RNFT2: variants seen among roughly 807,000 people sequenced by gnomAD.
RNFT2 encodes E3 ubiquitin-protein ligase RNFT2.
Under a neutral mutation model 53.0 loss-of-function variants are expected in RNFT2, and 36 were observed. The observed-to-expected ratio is 0.68, with a 90% CI of 0.52 to 0.90. RNFT2 has a LOEUF of 0.90. RNFT2 is among the 40% of genes least tolerant of loss of function. RNFT2 has a pLI of 0.00. For missense variants in RNFT2, 514 were observed against 585.6 expected (o/e 0.88, Z 1.26); for synonymous variants, 260 against 253.2 (o/e 1.03, Z -0.26).
rs57277786 is a variant in RNFT2, at chr12:116,776,343, G to C, written c.729-2852G>C. On this transcript the variant is annotated intron_variant, in intron 6 of 10. Coordinates refer to ENST00000257575, the MANE Select transcript of RNFT2 (RefSeq NM_001382266.1). Reference sequence around the variant, plus strand: ...AAGATAAAATGGAAAGGATAAGTCAGATCTTCATTTGATCATGATCATGGA... The same window carrying C: ...AAGATAAAATGGAAAGGATAAGTCACATCTTCATTTGATCATGATCATGGA... 5.1e-3 allele frequency among the ~76,000 whole-genome samples: 779 copies of C among 152,280 alleles called. 2 individuals carry two copies. The highest frequency in any genetic ancestry group is 0.018 in the African/African-American group (731 of 41,560).
intron 3 of RNFT2, among the ~76,000 whole-genome samples, chr12:116,746,331 G>A (rs1485491040): frequency 1.3e-5 from 2 of 152,126 alleles, no homozygotes; most frequent in African/African-American, 4.8e-5. Context: ...CAGTGGGGTC[G>A]GGGCACCTGT....
chr12:116,804,698 C>T (rs1198336904), intron 7 of RNFT2, among the ~76,000 whole-genome samples: 2 of 152,276 alleles, frequency 1.3e-5, no homozygotes, highest in South Asian at 2.1e-4. Context: ...AGGCTGGGTG[C>T]GGTGGCTCAC....
At chr12:116,763,746 T>C (rs1314891326) in intron 5 of RNFT2, among the ~76,000 whole-genome samples, 9 of 137,196 alleles carry the variant, frequency 6.6e-5, no homozygotes, top group African/African-American at 2.2e-4. Flanking sequence ...GCCACTGCAC[T>C]CCAGCCTGGG....
chr12:116,820,638 C>T (rs1187387532), intron 7 of RNFT2, among the ~76,000 whole-genome samples: 1 of 152,134 alleles, frequency 6.6e-6, no homozygotes, highest in Non-Finnish European at 1.5e-5. Flanking sequence ...CCACATCTTA[C>T]TTTATCTCCT....
chr12:116,766,265 GA>G (rs1441459935), intron 5 of RNFT2, among the ~76,000 whole-genome samples: 4 of 150,886 alleles, frequency 2.7e-5, no homozygotes, highest in East Asian at 1.9e-4. Flanking sequence ...CTAGGGAACA[GA>G]AAAAAAAATT....
intron 6 of RNFT2, among the ~76,000 whole-genome samples, chr12:116,778,011 G>A: frequency 6.6e-6 from 1 of 152,174 alleles, no homozygotes; most frequent in East Asian, 1.9e-4. Context: ...AGTGAGCAAA[G>A]AGCTTAGCAC....
At chr12:116,834,857 T>C (rs1221704669) in intron 8 of RNFT2, among the ~76,000 whole-genome samples, 2 of 151,662 alleles carry the variant, frequency 1.3e-5, no homozygotes, top group African/African-American at 4.9e-5. Context: ...CTCCTTTTTT[T>C]TTTTTTTTTT....
intron 7 of RNFT2, among the ~76,000 whole-genome samples, chr12:116,832,130 C>CAAAAA (rs138431200): frequency 2.1e-5 from 2 of 95,346 alleles, no homozygotes; most frequent in African/African-American, 4.5e-5. Flanking sequence ...GACCTTGTCT[C>CAAAAA]AAAAAAAAAA....
At chr12:116,814,701 TC>T (rs1875557684) in intron 7 of RNFT2, among the ~76,000 whole-genome samples, 2 of 151,372 alleles carry the variant, frequency 1.3e-5, no homozygotes, top group South Asian at 4.2e-4. Context: ...TCCGACAGAG[TC>T]TCACTCTGTT....
At chr12:116,836,088 ACC>A in intron 9 of RNFT2, 63 bp downstream of exon 9, 1 of 1,605,618 alleles carries the variant, frequency 6.2e-7, no homozygotes, top group Non-Finnish European at 8.5e-7. Flanking sequence ...AACAGCAGCG[ACC>A]CCTTCCTCAG....
chr12:116,769,676 A>G (rs980640415), intron 6 of RNFT2, among the ~76,000 whole-genome samples: 5 of 152,254 alleles, frequency 3.3e-5, no homozygotes, highest in African/African-American at 9.6e-5. Flanking sequence ...AACTAAGTGT[A>G]CCAAGTAAAA....
Position 116,743,231 on chromosome 12 carries a change from AAAAAAAAAAAAAAC to A in RNFT2, c.83+2138_83+2151del, listed in dbSNP as rs1376477682. Among the ~76,000 whole-genome samples, 267 of 123,226 alleles carry A rather than the reference AAAAAAAAAAAAAAC, an allele frequency of 2.2e-3. 34 individuals carry two copies. Among genetic ancestry groups the A allele is most frequent in the African/African-American group, 5.5e-3 (182 of 33,058 alleles). 80.8% of individuals were successfully genotyped at this position (123,226 alleles called of 152,430 possible). A position where few individuals can be genotyped will look rare whatever the true frequency, so the allele number is the denominator to read the frequency against. ...TAGAATCTAAAAAAAAAAAAAAAAA[AAAAAAAAAAAAAAC>A]CGGTTAAAAAACACTCATGAGCTAG... On this transcript the variant is annotated intron_variant, in intron 3 of 10. Coordinates refer to ENST00000257575, the MANE Select transcript of RNFT2 (RefSeq NM_001382266.1).
intron 7 of RNFT2, among the ~76,000 whole-genome samples, chr12:116,786,464 A>G (rs1279639657): frequency 3.3e-5 from 5 of 152,188 alleles, no homozygotes; most frequent in Non-Finnish European, 1.5e-5. Flanking sequence ...GGTCAGGATG[A>G]CAGCACAGGT....
At chr12:116,837,929 T>A (rs534563591) in intron 10 of RNFT2, among the ~76,000 whole-genome samples, 2 of 152,036 alleles carry the variant, frequency 1.3e-5, no homozygotes, top group South Asian at 2.1e-4. Flanking sequence ...AAGTTTACTT[T>A]AAAAAAAATC....
chr12:116,834,340 A>G (rs1272838749), intron 8 of RNFT2, among the ~76,000 whole-genome samples: 1 of 152,078 alleles, frequency 6.6e-6, no homozygotes, highest in African/African-American at 2.4e-5. Flanking sequence ...GCTGGTTTTG[A>G]ACTCCTGACC....
intron 3 of RNFT2, among the ~76,000 whole-genome samples, chr12:116,747,897 G>C (rs1871986448): frequency 6.6e-6 from 1 of 152,092 alleles, no homozygotes; most frequent in African/African-American, 2.4e-5. Flanking sequence ...CTTGAAAAGA[G>C]GATGAACCCT....
chr12:116,819,512 C>T (rs1215339382), intron 7 of RNFT2, among the ~76,000 whole-genome samples: 6 of 152,110 alleles, frequency 3.9e-5, no homozygotes, highest in Admixed American at 3.3e-4. Context: ...CGGGGACAGC[C>T]GGCCGCCCGA....
At chr12:116,748,574 C>G in intron 3 of RNFT2, 3 of 384,368 alleles carry the variant, frequency 7.8e-6, no homozygotes, top group Non-Finnish European at 1.0e-5. Context: ...AGGTATAAGG[C>G]CCCTAGAACA....
intron 6 of RNFT2, among the ~76,000 whole-genome samples, chr12:116,777,933 G>T (rs1873508884): frequency 6.6e-6 from 1 of 152,140 alleles, no homozygotes; most frequent in South Asian, 2.1e-4. Flanking sequence ...AAGCCTCAGT[G>T]CCTTATTTAT....
Sources: allele counts gnomAD v4.1 joint callset (sites outside exome capture counted in the v4.1 genomes callset), GRCh38; gene constraint gnomAD v4.1.1; transcripts MANE v1.5; gene names NCBI Gene and HGNC (gene_info 2026-07-23, HGNC 2026-07-21).